DNAJC13: variants seen among roughly 807,000 people sequenced by gnomAD.
The protein encoded by DNAJC13 is DnaJ heat shock protein family (Hsp40) member C13, also known as dnaJ homolog subfamily C member 13.
In DNAJC13, 75 loss-of-function variants were observed where a neutral mutation model predicts 290.5. That is an observed-to-expected ratio of 0.26 (90% CI 0.21 to 0.31). DNAJC13 has a LOEUF of 0.31. Among genes scored for constraint, DNAJC13 ranks in the 10% least tolerant of loss-of-function variants. The probability of loss-of-function intolerance (pLI) is 1.00; values close to 1 mark genes in which losing one functional copy is unlikely to be tolerated. For missense variants in DNAJC13, 2,260 were observed against 2,674.5 expected (o/e 0.85, Z 3.42); for synonymous variants, 862 against 892.0 (o/e 0.97, Z 0.60).
At chr3:132,451,504 C>A (rs1933414548) in intron 6 of DNAJC13, among the ~76,000 whole-genome samples, 1 of 151,988 alleles carries the variant, frequency 6.6e-6, no homozygotes, top group African/African-American at 2.4e-5. Context: ...GTGCTGAGAA[C>A]CCTGTTAATC....
chr3:132,500,584 G>A (rs575028015), intron 38 of DNAJC13, among the ~76,000 whole-genome samples: 1 of 152,318 alleles, frequency 6.6e-6, no homozygotes, highest in South Asian at 2.1e-4. Flanking sequence ...ATGGGTTGTA[G>A]TAGCTGTGGT....
chr3:132,507,245 T>G lies in DNAJC13; in HGVS notation c.5007T>G (p.Cys1669Trp), dbSNP rs1935624015. ...QQENMIKKGD[C>W]DKTYGSEFVY... ...TTTCATCTTTTAAAAAGGGTGATTG[T>G]GACAAAACTTATGGATCAGAATTTG... Residue 1669 changes from cysteine to tryptophan, a missense_variant, in exon 43 of 56, where the codon TGT (cysteine) becomes TGG (tryptophan). By Grantham distance (215) the Cys-to-Trp change is radical. Around this residue, in one of 3 missense-constraint regions of DNAJC13, gnomAD observed 1,494 missense variants for 1,693.7 expected, o/e 0.88. Coordinates refer to ENST00000260818, the MANE Select transcript of DNAJC13 (RefSeq NM_015268.4). 1.2e-6 allele frequency: 2 copies of G among 1,605,670 alleles called. No individual in the cohort carries two copies. Among genetic ancestry groups the G allele is most frequent in the African/African-American group, 2.7e-5 (2 of 74,858 alleles).
At position 132,480,405 on chromosome 3, in the gene DNAJC13, A is replaced by C; in HGVS notation, c.2809A>C (p.Arg937=). The C allele has an allele frequency of 1.2e-6, 2 of 1,613,472 alleles. No individual in the cohort carries two copies. Among genetic ancestry groups the C allele is most frequent in the Non-Finnish European group, 1.7e-6 (2 of 1,179,498 alleles). The change falls in exon 26 of 56, where the codon AGA becomes CGA. Residue 937 remains arginine, a synonymous_variant. Coordinates refer to ENST00000260818, the MANE Select transcript of DNAJC13 (RefSeq NM_015268.4). ...GGATCTCATGGATTCAAATGGAATA[A>C]GAATCCTTGTGGACTTGCTTACCCT... is the stretch of plus-strand genomic sequence containing the variant. ...VKDLMDSNGI[R]ILVDLLTLAH...
chr3:132,494,607 A>G (rs1935172429), intron 34 of DNAJC13, among the ~76,000 whole-genome samples: 1 of 152,162 alleles, frequency 6.6e-6, no homozygotes, highest in Non-Finnish European at 1.5e-5. Context: ...TTTGATAGCA[A>G]TATGCCTAGG....
chr3:132,434,098 T>C (rs572252843), intron 1 of DNAJC13, among the ~76,000 whole-genome samples: 1 of 152,084 alleles, frequency 6.6e-6, no homozygotes, highest in East Asian at 1.9e-4. Flanking sequence ...TAGTCCCAGC[T>C]ACTCTGGAGG....
chr3:132,484,522 C>T (rs901284796), intron 28 of DNAJC13, 66 bp from the exon 29 acceptor site: 16 of 1,433,050 alleles, frequency 1.1e-5, no homozygotes, highest in East Asian at 4.6e-5. Flanking sequence ...AGTAGAATGT[C>T]GTATGCTCTG....
intron 29 of DNAJC13, among the ~76,000 whole-genome samples, chr3:132,485,416 A>G (rs1216603741): frequency 6.6e-6 from 1 of 152,216 alleles, no homozygotes; most frequent in Non-Finnish European, 1.5e-5. Flanking sequence ...CTGGGATTAC[A>G]GGCATGAGCC....
chr3:132,484,743 C>G, intron 29 of DNAJC13, 71 bp downstream of exon 29: 1 of 1,397,576 alleles, frequency 7.2e-7, no homozygotes. Context: ...CAGTACCAGT[C>G]TTTGTTTTGT....
chr3:132,424,007 C>G (rs1939028630), intron 1 of DNAJC13, among the ~76,000 whole-genome samples: 1 of 152,036 alleles, frequency 6.6e-6, no homozygotes, highest in Non-Finnish European at 1.5e-5. Context: ...AGCTGAAGAC[C>G]TTACAGAAAT....
intron 13 of DNAJC13, 74 bp downstream of exon 13, chr3:132,457,442 T>G (rs774846499): frequency 8.6e-7 from 1 of 1,163,770 alleles, no homozygotes; most frequent in Non-Finnish European, 1.3e-6. Flanking sequence ...CAGTCCCAGA[T>G]TTTCATTGTA....
chr3:132,475,185 C>G, intron 22 of DNAJC13, 100 bp downstream of exon 22: 2 of 791,868 alleles, frequency 2.5e-6, no homozygotes, highest in Non-Finnish European at 3.6e-6. Context: ...CATATCTGGT[C>G]TTTACCTTTC....
Position 132,451,397 on chromosome 3 carries a change from G to A in DNAJC13, c.537+550G>A, listed in dbSNP as rs116662786. ...TGTTTATAATCTGAAATCTGAGTAT[G>A]CATTGAAACTTCAATCTGGAATTCA... On this transcript the variant is annotated intron_variant, in intron 6 of 55. Transcript: ENST00000260818. Among the ~76,000 whole-genome samples, 510 of 152,256 alleles carry A rather than the reference G, an allele frequency of 3.3e-3. 1 individual carries two copies. Among genetic ancestry groups the A allele is most frequent in the Non-Finnish European group, 6.4e-3 (434 of 68,022 alleles).
intron 12 of DNAJC13, 32 bp downstream of exon 12, chr3:132,456,864 A>C: frequency 1.2e-6 from 2 of 1,606,176 alleles, no homozygotes; most frequent in African/African-American, 1.3e-5. Flanking sequence ...AACTTCTCTT[A>C]GAGAATTTGA....
intron 43 of DNAJC13, 77 bp from the exon 44 acceptor site, chr3:132,510,990 C>T (rs1483788950): frequency 4.7e-6 from 7 of 1,495,582 alleles, no homozygotes. Flanking sequence ...ACTTTCATAG[C>T]TTAAAGTTCT....
At chr3:132,450,587 A>C (rs764544847) in intron 5 of DNAJC13, 60 bp from the exon 6 acceptor site, 99 of 1,306,968 alleles carry the variant, frequency 7.6e-5, no homozygotes, top group Non-Finnish European at 1.0e-4. Context: ...TGATACATTA[A>C]ATTTTATTTT....
intron 15 of DNAJC13, 80 bp from the exon 16 acceptor site, chr3:132,462,387 C>T: frequency 2.2e-6 from 3 of 1,341,008 alleles, no homozygotes; most frequent in South Asian, 1.3e-5. Context: ...AAATGTATAC[C>T]CTTCTTAAGA....
At chr3:132,443,075 G>A (rs2107657300) in intron 2 of DNAJC13, among the ~76,000 whole-genome samples, 1 of 152,324 alleles carries the variant, frequency 6.6e-6, no homozygotes, top group South Asian at 2.1e-4. Flanking sequence ...TAGCCTCAAA[G>A]AAGAAGACTT....
chr3:132,431,525 T>C (rs750591756), intron 1 of DNAJC13, among the ~76,000 whole-genome samples: 7 of 152,142 alleles, frequency 4.6e-5, no homozygotes, highest in South Asian at 2.1e-4. Flanking sequence ...GAGCGTTCTA[T>C]GTATAGTACA....
intron 48 of DNAJC13, 73 bp downstream of exon 48, chr3:132,516,889 G>C: frequency 1.6e-6 from 2 of 1,248,532 alleles, no homozygotes; most frequent in Non-Finnish European, 2.3e-6. Context: ...ATTTCAAGAA[G>C]TTTACTGAAA....
Sources: allele counts gnomAD v4.1 joint callset (sites outside exome capture counted in the v4.1 genomes callset), GRCh38; gene constraint gnomAD v4.1.1; regional missense constraint gnomAD v4.1.1; transcripts MANE v1.5; gene names NCBI Gene and HGNC (gene_info 2026-07-23, HGNC 2026-07-21).